SMARCAD1: variants seen among roughly 807,000 people sequenced by gnomAD.
The protein encoded by SMARCAD1 is SNF2 related chromatin remodeling ATPase with DExD box 1.
In SMARCAD1, 25 loss-of-function variants were observed where a neutral mutation model predicts 127.1. The observed-to-expected ratio is 0.20, with a 90% CI of 0.14 to 0.27. The LOEUF (loss-of-function observed/expected upper bound fraction) is 0.27, where lower values mean the gene tolerates loss of function less well. Among genes scored for constraint, SMARCAD1 ranks in the 10% least tolerant of loss-of-function variants. SMARCAD1 has a pLI of 1.00. For missense variants in SMARCAD1, 807 were observed against 1,206.0 expected (o/e 0.67, Z 4.90); for synonymous variants, 400 against 396.9 (o/e 1.01, Z -0.09).
At chr4:94,257,590 A>G (rs900148738) in intron 9 of SMARCAD1, among the ~76,000 whole-genome samples, 1 of 152,020 alleles carries the variant, frequency 6.6e-6, no homozygotes, top group East Asian at 1.9e-4. Flanking sequence ...CCCATCCCCA[A>G]ATTGTTTATT....
chr4:94,264,968 A>G (rs2125955346), intron 10 of SMARCAD1, 62 bp downstream of exon 10: 2 of 1,500,470 alleles, frequency 1.3e-6, no homozygotes, highest in South Asian at 1.2e-5. Flanking sequence ...ATCTGAATTT[A>G]TTTCTGTATC....
At chr4:94,215,479 G>C (rs28696050) in intron 2 of SMARCAD1, among the ~76,000 whole-genome samples, 45,339 of 151,764 alleles carry the variant, frequency 0.3, 7,727 homozygotes, top group East Asian at 0.71. Context: ...AAATTAGTCA[G>C]GTGTGGTGGT....
At chr4:94,242,097 G>A (rs540802051) in intron 6 of SMARCAD1, among the ~76,000 whole-genome samples, 3 of 151,944 alleles carry the variant, frequency 2.0e-5, no homozygotes, top group African/African-American at 7.3e-5. Context: ...ACAGTGGTGT[G>A]ATCTTGGCTC....
intron 16 of SMARCAD1, among the ~76,000 whole-genome samples, chr4:94,277,809 T>G (rs544617942): frequency 6.6e-6 from 1 of 152,300 alleles, no homozygotes; most frequent in East Asian, 1.9e-4. Flanking sequence ...CTTTTAAACA[T>G]TTACTAATTT....
chr4:94,208,962 A>G (rs1166650441), intron 2 of SMARCAD1, among the ~76,000 whole-genome samples: 1 of 152,212 alleles, frequency 6.6e-6, no homozygotes, highest in Non-Finnish European at 1.5e-5. Flanking sequence ...AATATTGATC[A>G]TCTACTGTGA....
In SMARCAD1 at chr4:94,291,277, A is replaced by G; in HGVS notation, c.*1743A>G. On this transcript the variant is annotated 3_prime_UTR_variant, in exon 24 of 24. Coordinates refer to ENST00000354268, the MANE Select transcript of SMARCAD1 (RefSeq NM_020159.5). ...CTATTATGTCTTGGGCTTAATAAAA[A>G]TATTTGTGATCATAAGTTGTATTTT... 2.2e-6 allele frequency: 1 copy of G among 447,376 alleles called. No individual in the cohort carries two copies. Among genetic ancestry groups the G allele is most frequent in the Non-Finnish European group, 4.4e-6 (1 of 225,186 alleles). The allele number at this position is 447,376 out of a possible 1,614,324, so 27.7% of individuals were successfully genotyped here.
intron 9 of SMARCAD1, among the ~76,000 whole-genome samples, chr4:94,256,757 T>C (rs1204174428): frequency 2.6e-5 from 4 of 152,172 alleles, no homozygotes; most frequent in East Asian, 1.9e-4. Flanking sequence ...CTGAATAAGG[T>C]GGCACCAGTG....
At chr4:94,221,371 C>T (rs2125819530) in intron 2 of SMARCAD1, among the ~76,000 whole-genome samples, 1 of 152,194 alleles carries the variant, frequency 6.6e-6, no homozygotes, top group East Asian at 1.9e-4. Context: ...AATGTTTTTT[C>T]GTATGGTTCC....
chr4:94,209,506 C>T (rs1204936570), intron 2 of SMARCAD1, among the ~76,000 whole-genome samples: 2 of 152,190 alleles, frequency 1.3e-5, no homozygotes, highest in African/African-American at 4.8e-5. Context: ...ATGCAAAACT[C>T]TGTTTCGTAA....
chr4:94,262,516 C>G (rs1487128484), intron 9 of SMARCAD1, among the ~76,000 whole-genome samples: 1 of 152,166 alleles, frequency 6.6e-6, no homozygotes, highest in Non-Finnish European at 1.5e-5. Context: ...TCTTTCTAAA[C>G]AGGAACTCTC....
At chr4:94,236,907 C>A in intron 4 of SMARCAD1, 45 bp from the exon 5 acceptor site, 1 of 1,439,336 alleles carries the variant, frequency 6.9e-7, no homozygotes, top group Non-Finnish European at 9.8e-7. Context: ...TGAAATAATT[C>A]TTAAAGTGCT....
At chr4:94,235,229 C>CTTTTTTTTTTT (rs35123705) in intron 4 of SMARCAD1, among the ~76,000 whole-genome samples, 7 of 39,304 alleles carry the variant, frequency 1.8e-4, no homozygotes, top group African/African-American at 7.0e-4. Flanking sequence ...ACCACCAATC[C>CTTTTTTTTTTT]TTTTTTTTTT....
intron 6 of SMARCAD1, 45 bp downstream of exon 6, chr4:94,241,051 G>A (rs2125883770): frequency 7.4e-7 from 1 of 1,343,662 alleles, no homozygotes; most frequent in African/African-American, 1.4e-5. Flanking sequence ...GCTGCTTAAG[G>A]TTAGGATATG....
chr4:94,248,863 T>C (rs986946865), intron 6 of SMARCAD1, among the ~76,000 whole-genome samples: 16 of 152,300 alleles, frequency 1.1e-4, no homozygotes, highest in East Asian at 5.8e-4. Flanking sequence ...AATTCAGTTG[T>C]TGGATAATAA....
chr4:94,262,969 C>G (rs1032118538), intron 9 of SMARCAD1, among the ~76,000 whole-genome samples: 2 of 148,590 alleles, frequency 1.3e-5, no homozygotes, highest in African/African-American at 4.9e-5. Flanking sequence ...CTTTTAAGGT[C>G]TTAAATTATT....
chr4:94,279,778 CT>C (rs1163071807), intron 19 of SMARCAD1, among the ~76,000 whole-genome samples: 1 of 152,096 alleles, frequency 6.6e-6, no homozygotes, highest in African/African-American at 2.4e-5. Flanking sequence ...AGCAATTACT[CT>C]TTATTTTTGC....
chr4:94,271,746 C>A (rs146856538), intron 11 of SMARCAD1, among the ~76,000 whole-genome samples: 5 of 152,160 alleles, frequency 3.3e-5, no homozygotes, highest in African/African-American at 4.8e-5. Flanking sequence ...GGAAATCAGA[C>A]CTGGGTTTGG....
Position 94,234,066 on chromosome 4 carries a change from A to G in SMARCAD1, c.481A>G (p.Lys161Glu). ...LSELEDLKDA[K>E]LQTLKELFPQ... Reference sequence around the variant, plus strand: ...GGAATTGGAAGACCTTAAAGATGCTAAACTTCAGACTTTGAAGGAACTTTT... The same window carrying G: ...GGAATTGGAAGACCTTAAAGATGCTGAACTTCAGACTTTGAAGGAACTTTT... The change falls in exon 4 of 24, where the codon AAA becomes GAA. Residue 161 changes from lysine (K) to glutamate (E), a missense_variant. This residue lies in a region of SMARCAD1 where 48 missense variants were observed against 90.8 expected (regional missense o/e 0.53). Coordinates refer to ENST00000354268, the MANE Select transcript of SMARCAD1 (RefSeq NM_020159.5). The G allele has an allele frequency of 1.2e-6, 2 of 1,613,620 alleles. No individual in the cohort carries two copies. Among genetic ancestry groups the G allele is most frequent in the Non-Finnish European group, 8.5e-7 (1 of 1,179,728 alleles).
chr4:94,245,958 T>C (rs778380868), intron 6 of SMARCAD1, among the ~76,000 whole-genome samples: 3 of 152,178 alleles, frequency 2.0e-5, no homozygotes, highest in Non-Finnish European at 4.4e-5. Flanking sequence ...CCACTGGGGC[T>C]TGCCAAAGAC....
Sources: gnomAD v4.1 joint callset for allele counts (sites outside exome capture counted in the v4.1 genomes callset) on GRCh38, gnomAD v4.1.1 for gene constraint, gnomAD v4.1.1 regional missense constraint, MANE v1.5 for transcripts, NCBI Gene and HGNC (gene_info 2026-07-23, HGNC 2026-07-21) for gene names.